The following NAT1 variants were observed in gnomAD, a reference collection of about 807,000 sequenced individuals.
The protein encoded by NAT1 is N-acetyltransferase 1.
For missense variants in NAT1, 400 were observed against 339.2 expected (o/e 1.18, Z -1.41); for synonymous variants, 144 against 122.6 (o/e 1.17, Z -1.16).
chr8:18,212,347 A>G (rs1804191876), intron 1 of NAT1: 2 of 152,202 alleles, frequency 1.3e-5, no homozygotes, highest in Non-Finnish European at 2.9e-5. Context: ...ACCCTCTAGA[A>G]GTTGCCTCAT....
upstream of NAT1, among the ~76,000 whole-genome samples, chr8:18,208,458 T>G (rs989647780): frequency 6.6e-6 from 1 of 152,190 alleles, no homozygotes; most frequent in Non-Finnish European, 1.5e-5. Flanking sequence ...AAAAATCAGT[T>G]GCATTTCTTT....
intron 2 of NAT1, among the ~76,000 whole-genome samples, chr8:18,190,575 T>G (rs1003149245): frequency 2.0e-5 from 3 of 152,174 alleles, no homozygotes; most frequent in Non-Finnish European, 4.4e-5. Flanking sequence ...TGCTTTCCTC[T>G]TTCAGCTGTG....
At chr8:18,199,050 A>G (rs1263299519) in intron 2 of NAT1, among the ~76,000 whole-genome samples, 2 of 152,014 alleles carry the variant, frequency 1.3e-5, no homozygotes, top group African/African-American at 4.8e-5. Flanking sequence ...GATGTGGCTC[A>G]CGACTGTAAT....
intron 1 of NAT1, among the ~76,000 whole-genome samples, chr8:18,214,030 G>T (rs1355119890): frequency 3.9e-5 from 6 of 152,052 alleles, no homozygotes; most frequent in Non-Finnish European, 8.8e-5. Flanking sequence ...AGCCAGGATG[G>T]TCTCGATCTC....
intron 2 of NAT1, among the ~76,000 whole-genome samples, chr8:18,176,808 G>A (rs1285758273): frequency 6.6e-6 from 1 of 151,688 alleles, no homozygotes; most frequent in Non-Finnish European, 1.5e-5. Context: ...ATTGCTTTGG[G>A]TATTATGGAT....
At chr8:18,180,467 T>G (rs1589054312) in intron 2 of NAT1, among the ~76,000 whole-genome samples, 1 of 152,162 alleles carries the variant, frequency 6.6e-6, no homozygotes, top group African/African-American at 2.4e-5. Flanking sequence ...AGTATTTTGT[T>G]GAGGATTTTT....
chr8:18,215,596 G>T (rs1055474288), intron 1 of NAT1, among the ~76,000 whole-genome samples: 1 of 151,598 alleles, frequency 6.6e-6, no homozygotes, highest in African/African-American at 2.4e-5. Flanking sequence ...ATTTCACATG[G>T]TCCATAGCCC....
chr8:18,198,073 C>A (rs574109352), intron 2 of NAT1, among the ~76,000 whole-genome samples: 2 of 152,018 alleles, frequency 1.3e-5, no homozygotes, highest in South Asian at 4.2e-4. Context: ...TTAGAGATAC[C>A]ATGCCTTATA....
At chr8:18,186,129 G>C (rs1802722869) in intron 2 of NAT1, among the ~76,000 whole-genome samples, 1 of 151,708 alleles carries the variant, frequency 6.6e-6, no homozygotes, top group Non-Finnish European at 1.5e-5. Context: ...AGTCAAGTTT[G>C]TTAGCCATGT....
At chr8:18,178,300 CT>C (rs1286060735) in intron 2 of NAT1, among the ~76,000 whole-genome samples, 5 of 152,148 alleles carry the variant, frequency 3.3e-5, no homozygotes, top group South Asian at 4.1e-4. Flanking sequence ...AGCATTCCTT[CT>C]GGTCAAGCTG....
intron 2 of NAT1, among the ~76,000 whole-genome samples, chr8:18,177,207 C>T (rs144793881): frequency 0.023 from 3,522 of 152,122 alleles, 55 homozygotes; most frequent in South Asian, 0.069. Context: ...AGAATTAACG[C>T]TCAGAATTAC....
chr8:18,183,192 G>C (rs1043725636), intron 2 of NAT1, among the ~76,000 whole-genome samples: 1 of 152,136 alleles, frequency 6.6e-6, no homozygotes, highest in African/African-American at 2.4e-5. Context: ...GCCCACTCTT[G>C]AAAGCCCTTT....
At chr8:18,185,258 G>T (rs6990966) in intron 2 of NAT1, among the ~76,000 whole-genome samples, 1 of 151,810 alleles carries the variant, frequency 6.6e-6, no homozygotes, top group African/African-American at 2.4e-5. Context: ...AGTACAATTC[G>T]CCAGCAAAGC....
intron 2 of NAT1, chr8:18,221,761 A>G (rs935593521): frequency 3.3e-6 from 1 of 300,146 alleles, no homozygotes; most frequent in Non-Finnish European, 6.1e-6. Context: ...TTAATCACCA[A>G]GAGAACCATG....
chr8:18,196,832 A>G (rs1803254446), intron 2 of NAT1, among the ~76,000 whole-genome samples: 1 of 152,230 alleles, frequency 6.6e-6, no homozygotes, highest in Non-Finnish European at 1.5e-5. Flanking sequence ...CAATAATAAT[A>G]AAAACTAGTA....
At chr8:18,195,088 G>C (rs1183847543) in intron 2 of NAT1, among the ~76,000 whole-genome samples, 1 of 152,158 alleles carries the variant, frequency 6.6e-6, no homozygotes, top group Non-Finnish European at 1.5e-5. Context: ...TTTCCCCTTG[G>C]AGTTACAGGG....
chr8:18,208,105 G>T (rs1176610531), upstream of NAT1, among the ~76,000 whole-genome samples: 1 of 151,936 alleles, frequency 6.6e-6, no homozygotes, highest in East Asian at 1.9e-4. Flanking sequence ...AGACACACTG[G>T]GGCCCGTTGG....
upstream of NAT1, among the ~76,000 whole-genome samples, chr8:18,208,469 A>T (rs547988027): frequency 1.2e-4 from 19 of 152,348 alleles, no homozygotes; most frequent in African/African-American, 3.6e-4. Flanking sequence ...GCATTTCTTT[A>T]CACCAGTAAT....
intron 2 of NAT1, among the ~76,000 whole-genome samples, chr8:18,178,615 T>C (rs547070424): frequency 6.6e-6 from 1 of 152,266 alleles, no homozygotes; most frequent in South Asian, 2.1e-4. Context: ...CTAGTGAAAA[T>C]TATCACTGTT....
Sources: allele counts gnomAD v4.1 joint callset (sites outside exome capture counted in the v4.1 genomes callset), GRCh38; gene constraint gnomAD v4.1.1; transcripts MANE v1.5; gene names NCBI Gene and HGNC (gene_info 2026-07-23, HGNC 2026-07-21).